RP1: variants seen among roughly 807,000 people sequenced by gnomAD.
RP1 encodes RP1 axonemal microtubule associated.
In RP1, 16 loss-of-function variants were observed where a neutral mutation model predicts 14.8. The ratio of observed to expected loss-of-function variants is 1.08; its 90% confidence interval spans 0.73 to 1.65. RP1 has a LOEUF of 1.65. Among genes scored for constraint, RP1 ranks in the 40% most tolerant of loss-of-function variants. RP1 has a pLI of 0.00. For missense variants in RP1, 2,631 were observed against 2,535.0 expected, an observed-to-expected ratio of 1.04 and a Z score of -0.81; for synonymous variants, 876 against 883.6, an observed-to-expected ratio of 0.99 and a Z score of 0.15.
At chr8:54,568,013 C>T (rs1804443246) in intron 1 of RP1, among the ~76,000 whole-genome samples, 1 of 152,158 alleles carries the variant, frequency 6.6e-6, no homozygotes, top group South Asian at 2.1e-4. Flanking sequence ...TATGGTGGAC[C>T]TACAGTGCTA....
At chr8:54,804,288 G>GA (rs1368795652) in intron 24 of RP1, among the ~76,000 whole-genome samples, 1 of 151,898 alleles carries the variant, frequency 6.6e-6, no homozygotes, top group Non-Finnish European at 1.5e-5. Flanking sequence ...AAAGTAAAAG[G>GA]AAAATGAAAC....
At chr8:54,800,452 G>A (rs1810678981) in intron 24 of RP1, among the ~76,000 whole-genome samples, 1 of 151,940 alleles carries the variant, frequency 6.6e-6, no homozygotes, top group Non-Finnish European at 1.5e-5. Flanking sequence ...TATTTCTCAT[G>A]CCCTGTTCTC....
At chr8:54,745,756 G>A (rs1809208860) in intron 19 of RP1, among the ~76,000 whole-genome samples, 1 of 150,890 alleles carries the variant, frequency 6.6e-6, no homozygotes, top group South Asian at 2.1e-4. Flanking sequence ...AAATGGTTTT[G>A]GAAATTAACT....
intron 13 of RP1, among the ~76,000 whole-genome samples, chr8:54,701,191 GA>G (rs879562525): frequency 2.0e-5 from 3 of 151,210 alleles, no homozygotes; most frequent in Admixed American, 2.0e-4. Context: ...ATGAGAAAAT[GA>G]AAAAAAATGA....
chr8:54,694,576 A>G (rs931431182), intron 12 of RP1, among the ~76,000 whole-genome samples: 4 of 152,004 alleles, frequency 2.6e-5, no homozygotes, highest in Admixed American at 2.0e-4. Context: ...GAATTTATCC[A>G]TTTCTTCTAG....
At chr8:54,850,259 A>G (rs1812029873) in intron 25 of RP1, among the ~76,000 whole-genome samples, 3 of 152,186 alleles carry the variant, frequency 2.0e-5, no homozygotes, top group African/African-American at 4.8e-5. Flanking sequence ...TATTAGTAAT[A>G]CCTGTCTTTG....
intron 19 of RP1, among the ~76,000 whole-genome samples, chr8:54,752,495 G>C (rs917894529): frequency 6.6e-6 from 1 of 152,194 alleles, no homozygotes; most frequent in African/African-American, 2.4e-5. Context: ...TTGTACATTT[G>C]TATGATTATT....
chr8:54,632,766 T>C (rs536352453), downstream of RP1, among the ~76,000 whole-genome samples: 1 of 152,340 alleles, frequency 6.6e-6, no homozygotes, highest in East Asian at 1.9e-4. Flanking sequence ...AGCATGTTTT[T>C]AGTTTTGCAA....
chr8:54,607,873 A>G (rs1805495634), intron 1 of RP1, among the ~76,000 whole-genome samples: 1 of 152,124 alleles, frequency 6.6e-6, no homozygotes, highest in South Asian at 2.1e-4. Context: ...CTGGTGTGCC[A>G]TTTGCTAAGA....
intron 26 of RP1, chr8:54,852,818 AT>A (rs1317727397): frequency 1.0e-6 from 1 of 964,096 alleles, no homozygotes; most frequent in Non-Finnish European, 1.3e-6. Flanking sequence ...AATTTCTGAG[AT>A]GCTCAGTTGA....
At chr8:54,591,018 A>G (rs1389905404) in intron 1 of RP1, among the ~76,000 whole-genome samples, 1 of 152,158 alleles carries the variant, frequency 6.6e-6, no homozygotes, top group Non-Finnish European at 1.5e-5. Context: ...CAACAGTTCC[A>G]TTCCATGAAT....
At chr8:54,700,892 C>T (rs1031608517) in intron 13 of RP1, among the ~76,000 whole-genome samples, 2 of 152,150 alleles carry the variant, frequency 1.3e-5, no homozygotes, top group Non-Finnish European at 2.9e-5. Context: ...TGCCGCCTCC[C>T]TGCCATACTT....
chr8:54,767,361 C>CT (rs951988214), intron 22 of RP1, among the ~76,000 whole-genome samples: 1,588 of 138,492 alleles, frequency 0.011, 13 homozygotes, highest in Middle Eastern at 0.019. Flanking sequence ...AGTCTGTATT[C>CT]TTTTTTTTTT....
At chr8:54,672,180 C>T (rs1200621989) in intron 7 of RP1, among the ~76,000 whole-genome samples, 3 of 152,212 alleles carry the variant, frequency 2.0e-5, no homozygotes, top group African/African-American at 7.2e-5. Context: ...AGACAGGCTG[C>T]AGGGCTGGCC....
chr8:54,696,325 G>T (rs1807861514), intron 12 of RP1: 1 of 461,442 alleles, frequency 2.2e-6, no homozygotes, highest in African/African-American at 2.0e-5. Flanking sequence ...TACAAAATGG[G>T]CTGTGCTGAC....
chr8:54,701,638 A>G, exon 14 of RP1: 3 of 1,534,732 alleles, frequency 2.0e-6, no homozygotes, highest in Non-Finnish European at 2.6e-6. Flanking sequence ...CAAATCTTTC[A>G]AAAGAATTTG....
In RP1 at chr8:54,627,074, T is replaced by G; in HGVS notation, c.3192T>G (p.Ser1064Arg). The G allele has an allele frequency of 6.2e-7, 1 of 1,613,946 alleles. No homozygotes were observed. Among genetic ancestry groups the G allele is most frequent in the Non-Finnish European group, 8.5e-7 (1 of 1,179,946 alleles). Residue 1064 changes from serine to arginine, a missense_variant, in exon 4 of 4, where the codon AGT becomes AGG. Ser to Arg is a moderately radical substitution (Grantham distance 110). Coordinates refer to ENST00000220676, the MANE Select transcript of RP1 (RefSeq NM_006269.2). Reference sequence around the variant, plus strand: ...TAAACCTAGCTAGAAAAAGGCAAAGTGTAGAGGCTGCCATTCAAGTAGATC... The same window carrying G: ...TAAACCTAGCTAGAAAAAGGCAAAGGGTAGAGGCTGCCATTCAAGTAGATC... ...QEINLARKRQ[S>R]VEAAIQVDPI...
At chr8:54,580,096 C>A (rs1804749205) in intron 1 of RP1, among the ~76,000 whole-genome samples, 1 of 152,176 alleles carries the variant, frequency 6.6e-6, no homozygotes, top group African/African-American at 2.4e-5. Context: ...GGCTCCAACA[C>A]ACATTCAACC....
At chr8:54,677,245 C>T (rs1156627533) in intron 8 of RP1, among the ~76,000 whole-genome samples, 1 of 151,890 alleles carries the variant, frequency 6.6e-6, no homozygotes, top group Non-Finnish European at 1.5e-5. Flanking sequence ...GCTGAGTCTA[C>T]TGAATTAGAA....
Sources: allele counts gnomAD v4.1 joint callset (sites outside exome capture counted in the v4.1 genomes callset), GRCh38; gene constraint gnomAD v4.1.1; transcripts MANE v1.5; gene names NCBI Gene and HGNC (gene_info 2026-07-23, HGNC 2026-07-21).